KIF6: variants seen among roughly 807,000 people sequenced by gnomAD.
KIF6 encodes kinesin-like protein KIF6.
A neutral mutation model predicts 112.7 loss-of-function variants in KIF6; 106 were observed. The observed-to-expected ratio is 0.94, with a 90% confidence interval of 0.80 to 1.11. KIF6 has a LOEUF of 1.11. Among genes scored for constraint, KIF6 ranks in the 50% least tolerant of loss-of-function variants. KIF6 has a pLI of 0.00. For missense variants in KIF6, 929 were observed against 964.0 expected (o/e 0.96, Z 0.48); for synonymous variants, 339 against 339.9 (o/e 1.00, Z 0.03).
chr6:39,712,965 A>G (rs1789644190), intron 3 of KIF6, among the ~76,000 whole-genome samples: 1 of 152,358 alleles, frequency 6.6e-6, no homozygotes, highest in African/African-American at 2.4e-5. Flanking sequence ...AATTTAAAAA[A>G]TGTCAGATGG....
chr6:39,614,570 C>A (rs1250334891), intron 5 of KIF6, among the ~76,000 whole-genome samples: 2 of 152,130 alleles, frequency 1.3e-5, no homozygotes, highest in Admixed American at 1.3e-4. Context: ...GAAAATGTAG[C>A]TCTACCAGCA....
At chr6:39,400,695 T>C (rs1452356813) in intron 15 of KIF6, among the ~76,000 whole-genome samples, 1 of 152,218 alleles carries the variant, frequency 6.6e-6, no homozygotes, top group Non-Finnish European at 1.5e-5. Flanking sequence ...TTCAGCTTCA[T>C]GCGACAGGAT....
intron 10 of KIF6, among the ~76,000 whole-genome samples, chr6:39,547,810 A>G (rs1309701801): frequency 6.6e-6 from 1 of 152,192 alleles, no homozygotes; most frequent in Non-Finnish European, 1.5e-5. Flanking sequence ...TCTAATGGCT[A>G]TATAATATTC....
chr6:39,664,892 A>G (rs2150819170), intron 3 of KIF6, among the ~76,000 whole-genome samples: 1 of 152,306 alleles, frequency 6.6e-6, no homozygotes, highest in East Asian at 1.9e-4. Flanking sequence ...TTACATTTTT[A>G]AAAGGGAATT....
intron 2 of KIF6, chr6:39,715,010 C>A: frequency 2.9e-6 from 1 of 350,624 alleles, no homozygotes; most frequent in Non-Finnish European, 5.2e-6. Context: ...TGAAAAACTG[C>A]AGCAGCTTTG....
At chr6:39,568,878 C>G (rs1780479409) in intron 10 of KIF6, among the ~76,000 whole-genome samples, 2 of 152,056 alleles carry the variant, frequency 1.3e-5, no homozygotes, top group Non-Finnish European at 2.9e-5. Flanking sequence ...AATAAGCAGT[C>G]TATATAGGAC....
chr6:39,551,047 T>C (rs1437183451), intron 10 of KIF6, among the ~76,000 whole-genome samples: 1 of 152,230 alleles, frequency 6.6e-6, no homozygotes, highest in African/African-American at 2.4e-5. Context: ...AGTGCTGCAA[T>C]AAATATGGGA....
intron 19 of KIF6, among the ~76,000 whole-genome samples, chr6:39,350,522 C>T (rs1191058944): frequency 6.6e-6 from 1 of 152,064 alleles, no homozygotes; most frequent in East Asian, 1.9e-4. Context: ...TGCACCTGGC[C>T]CAGGAGGGCC....
intron 6 of KIF6, among the ~76,000 whole-genome samples, chr6:39,602,719 A>G (rs549177883): frequency 5.4e-4 from 82 of 152,318 alleles, no homozygotes; most frequent in African/African-American, 1.8e-3. Flanking sequence ...AAATCTCCCT[A>G]TCAGTCTTGG....
At chr6:39,336,722 C>A (rs946661859) in intron 22 of KIF6, among the ~76,000 whole-genome samples, 174 bp from the exon 23 acceptor site, 4 of 152,158 alleles carry the variant, frequency 2.6e-5, no homozygotes, top group African/African-American at 9.7e-5. Context: ...AAGGAAGAGG[C>A]CCCCTTTGCC....
chr6:39,403,012 A>G (rs891797255), intron 15 of KIF6, among the ~76,000 whole-genome samples: 7 of 151,860 alleles, frequency 4.6e-5, no homozygotes, highest in Non-Finnish European at 1.0e-4. Flanking sequence ...CCCATACCCA[A>G]TTACCTAAAG....
At position 39,493,418 on chromosome 6, in the gene KIF6, A is replaced by G. The variant is rs560575246; in HGVS notation, c.1645+46585T>C. On this transcript the variant is annotated intron_variant, in intron 13 of 22. Transcript: ENST00000287152. ...CTGTCATTACATTCCTTCCTTCAAC[A>G]AACTTTTCTGAGAGCCTGCTATTTG... Among the ~76,000 whole-genome samples, 6 of 152,358 alleles carry G rather than the reference A, an allele frequency of 3.9e-5. No homozygotes were observed. The South Asian group carries it at 1.2e-3, about 32-fold the overall frequency.
At chr6:39,697,354 C>T (rs1331266902) in intron 3 of KIF6, among the ~76,000 whole-genome samples, 3 of 152,040 alleles carry the variant, frequency 2.0e-5, no homozygotes, top group African/African-American at 7.2e-5. Context: ...TCTTAAGGGT[C>T]GTGGTTCATA....
chr6:39,661,575 T>A (rs975117994), intron 3 of KIF6, among the ~76,000 whole-genome samples: 10 of 152,088 alleles, frequency 6.6e-5, no homozygotes, highest in Non-Finnish European at 1.5e-4. Context: ...CCATTCTACC[T>A]ATGGTAGTAA....
chr6:39,404,485 G>A (rs1241860457), intron 15 of KIF6, among the ~76,000 whole-genome samples: 1 of 152,146 alleles, frequency 6.6e-6, no homozygotes, highest in African/African-American at 2.4e-5. Flanking sequence ...CCTTACAGGT[G>A]TGGGTCTGTT....
intron 14 of KIF6, among the ~76,000 whole-genome samples, chr6:39,422,162 A>G (rs895802784): frequency 3.3e-5 from 5 of 152,216 alleles, no homozygotes; most frequent in African/African-American, 7.2e-5. Context: ...ATTCACATCA[A>G]TGCTGGAGGA....
rs986753649 is a variant in KIF6 at position 39,577,958 on chromosome 6, T to G, written c.1181+98A>C. On this transcript the variant is annotated intron_variant, in intron 10 of 22. Transcript: ENST00000287152. ...CAATTTCAGACTGTCCCAGGAGACC[T>G]TCATGCTTTGAGGTGAATTCATAAC... is the stretch of plus-strand genomic sequence containing the variant. The G allele has an allele frequency of 3.7e-6, 3 of 800,758 alleles. No individual in the cohort carries two copies. In the African/African-American group the frequency reaches 5.2e-5, roughly 14 times the overall value. The allele number at this position is 800,758 out of a possible 1,614,324, so 49.6% of individuals were successfully genotyped here.
intron 13 of KIF6, among the ~76,000 whole-genome samples, chr6:39,449,271 C>T (rs1236057334): frequency 6.6e-6 from 1 of 152,208 alleles, no homozygotes; most frequent in African/African-American, 2.4e-5. Flanking sequence ...CAAAGCCAAA[C>T]CTGAATATAC....
At chr6:39,713,616 A>G (rs971664725) in intron 3 of KIF6, among the ~76,000 whole-genome samples, 1 of 152,218 alleles carries the variant, frequency 6.6e-6, no homozygotes, top group African/African-American at 2.4e-5. Context: ...GAAACTAGCT[A>G]TCTGAAAAAT....
Sources: allele counts gnomAD v4.1 joint callset (sites outside exome capture counted in the v4.1 genomes callset), GRCh38; gene constraint gnomAD v4.1.1; transcripts MANE v1.5; gene names NCBI Gene and HGNC (gene_info 2026-07-23, HGNC 2026-07-21).